The following SNX8 variants were observed in gnomAD, a reference collection of about 807,000 sequenced individuals.
SNX8 encodes sorting nexin 8.
In SNX8, 25 loss-of-function variants were observed where a neutral mutation model predicts 51.6. That is an observed-to-expected ratio of 0.48 (90% confidence interval 0.35 to 0.68). SNX8 has a LOEUF of 0.68. Ranked by LOEUF, SNX8 falls within the 30% of genes least tolerant of loss-of-function variation. The probability of loss-of-function intolerance (pLI) is 0.00; values close to 1 mark genes in which losing one functional copy is unlikely to be tolerated. For missense variants in SNX8, 695 were observed against 624.0 expected (o/e 1.11, Z -1.21); for synonymous variants, 324 against 277.0 (o/e 1.17, Z -1.68).
chr7:2,333,040 G>A (rs549785587), intron 1 of SNX8, among the ~76,000 whole-genome samples: 2 of 152,010 alleles, frequency 1.3e-5, no homozygotes, highest in African/African-American at 4.8e-5. Flanking sequence ...AGGCTAAGGT[G>A]GGAGGATTGC....
At chr7:2,345,177 A>G (rs1778997323) in intron 1 of SNX8, among the ~76,000 whole-genome samples, 1 of 152,140 alleles carries the variant, frequency 6.6e-6, no homozygotes, top group Non-Finnish European at 1.5e-5. Context: ...TATAACACTG[A>G]AAAAAACCAA....
chr7:2,345,246 T>C (rs536805336), intron 1 of SNX8, among the ~76,000 whole-genome samples: 5 of 152,314 alleles, frequency 3.3e-5, no homozygotes, highest in East Asian at 3.9e-4. Flanking sequence ...ATTCATGCAA[T>C]GTATAAACTA....
chr7:2,347,278 T>C (rs1456481422), intron 1 of SNX8, among the ~76,000 whole-genome samples: 1 of 151,848 alleles, frequency 6.6e-6, no homozygotes, highest in East Asian at 1.9e-4. Flanking sequence ...GGTCAGGAGT[T>C]TGAGACCAGC....
chr7:2,351,599 A>G (rs532940812), intron 1 of SNX8, among the ~76,000 whole-genome samples: 14 of 151,858 alleles, frequency 9.2e-5, no homozygotes, highest in Admixed American at 2.6e-4. Flanking sequence ...TCGGGAGGCC[A>G]AGGCGGGCGG....
At chr7:2,260,148 T>A (rs969080231) in intron 7 of SNX8, among the ~76,000 whole-genome samples, 6 of 151,928 alleles carry the variant, frequency 3.9e-5, no homozygotes, top group African/African-American at 1.5e-4. Flanking sequence ...CAGGCTGGAG[T>A]GCAGTGGCAT....
chr7:2,302,816 C>T (rs1427898015), intron 1 of SNX8, among the ~76,000 whole-genome samples: 2 of 150,284 alleles, frequency 1.3e-5, no homozygotes, highest in East Asian at 2.0e-4. Context: ...AGGTGAGGAG[C>T]GTCTCTGCCC....
At chr7:2,344,856 G>C (rs1050619523) in intron 1 of SNX8, among the ~76,000 whole-genome samples, 3 of 152,126 alleles carry the variant, frequency 2.0e-5, no homozygotes, top group African/African-American at 7.2e-5. Flanking sequence ...TCAGGAGTTC[G>C]AGACCAGCTT....
At position 2,346,423 on chromosome 7, in the gene SNX8, C is replaced by T. The variant is rs111472139; in HGVS notation, c.-66+7799G>A. The stretch of plus-strand genomic sequence containing the variant: ...ATTTCACCACTGCACTCCAGCCTGG[C>T]TGAAAGAGCAAGACTCTCAAAACGA... On this transcript the variant is annotated intron_variant, in intron 1 of 5. Transcript: ENST00000435336. Among the ~76,000 whole-genome samples, 1,257 of 146,084 alleles carry T rather than the reference C, an allele frequency of 8.6e-3. 13 individuals carry two copies. Among genetic ancestry groups the T allele is most frequent in the African/African-American group, 0.03 (1,206 of 39,632 alleles).
chr7:2,268,561 C>T (rs1473788921), intron 5 of SNX8, among the ~76,000 whole-genome samples: 4 of 146,264 alleles, frequency 2.7e-5, no homozygotes, highest in Admixed American at 6.7e-5. Flanking sequence ...GGGGGTCAGC[C>T]CCCCGCCTGG....
intron 1 of SNX8, among the ~76,000 whole-genome samples, chr7:2,338,850 T>C (rs930918609): frequency 4.6e-5 from 7 of 151,956 alleles, no homozygotes; most frequent in Non-Finnish European, 1.0e-4. Flanking sequence ...ATCACTTGAG[T>C]CTGGGAGTTT....
At position 2,275,118 on chromosome 7, in the gene SNX8, G is replaced by A; in HGVS notation, c.412C>T (p.Leu138=). The change falls in exon 3 of 11, where the codon CTG becomes TTG. Residue 138 remains leucine (L), a synonymous_variant. Coordinates refer to ENST00000222990, the MANE Select transcript of SNX8 (RefSeq NM_013321.4). ...GCAGCACGCCTGGCTTTACCTCCCA[G>A]CATTCTCTTGGGTGGCAGGGCAGGC... is the stretch of plus-strand genomic sequence containing the variant. The part of the protein sequence containing the change: ...MVPALPPKRM[L]GADREFIEAR... The A allele has an allele frequency of 6.2e-7, 1 of 1,609,380 alleles. No homozygotes were observed. The highest frequency in any genetic ancestry group is 8.5e-7 in the Non-Finnish European group (1 of 1,175,678).
chr7:2,334,189 G>A (rs1031283028), intron 1 of SNX8, among the ~76,000 whole-genome samples: 2 of 152,180 alleles, frequency 1.3e-5, no homozygotes, highest in African/African-American at 4.8e-5. Context: ...GGATCATGAG[G>A]TCAGCAGATC....
At chr7:2,260,040 G>A (rs553767662) in intron 7 of SNX8, among the ~76,000 whole-genome samples, 1 of 152,056 alleles carries the variant, frequency 6.6e-6, no homozygotes, top group East Asian at 1.9e-4. Flanking sequence ...GAGAGAGGAA[G>A]GAAGGAAGGT....
chr7:2,285,952 G>C (rs2115155436), intron 1 of SNX8, among the ~76,000 whole-genome samples: 1 of 152,038 alleles, frequency 6.6e-6, no homozygotes, highest in South Asian at 2.1e-4. Context: ...CAAAGTGCTG[G>C]GATTACAGGC....
At chr7:2,327,055 C>T (rs961941772) in intron 1 of SNX8, among the ~76,000 whole-genome samples, 5 of 152,068 alleles carry the variant, frequency 3.3e-5, no homozygotes, top group African/African-American at 7.2e-5. Context: ...ATCAAGTTGC[C>T]GGCAGGGCCA....
rs189988078 is a variant in SNX8, at chr7:2,320,061, C to T, written c.-66+34161G>A. Among the ~76,000 whole-genome samples the T allele has an allele frequency of 2.4e-3, 362 of 151,928 alleles. 3 individuals are homozygous for T. The highest frequency in any genetic ancestry group is 8.3e-3 in the African/African-American group (345 of 41,434). On this transcript the variant is annotated intron_variant, in intron 1 of 5. Coordinates refer to the SNX8 transcript ENST00000435336. ...CAATAATACCTTTATTGTATTTTTA[C>T]ATTTTACATGTGAGGCCAGGCACAT...
intron 1 of SNX8, among the ~76,000 whole-genome samples, chr7:2,281,445 AC>A (rs908728201): frequency 1.3e-5 from 2 of 151,838 alleles, no homozygotes; most frequent in African/African-American, 2.4e-5. Flanking sequence ...AAAAAAAAAA[AC>A]ATCATTTCAA....
chr7:2,255,388 A>C (rs1173317838), intron 10 of SNX8, among the ~76,000 whole-genome samples: 1 of 152,094 alleles, frequency 6.6e-6, no homozygotes, highest in African/African-American at 2.4e-5. Flanking sequence ...ACAGACACCC[A>C]CGCTTCGATC....
intron 1 of SNX8, among the ~76,000 whole-genome samples, chr7:2,326,133 A>G (rs1778618256): frequency 6.6e-6 from 1 of 152,012 alleles, no homozygotes; most frequent in African/African-American, 2.4e-5. Flanking sequence ...GCACTGTGGG[A>G]GGCTGAGTTG....
Sources: gnomAD v4.1 joint callset for allele counts (sites outside exome capture counted in the v4.1 genomes callset) on GRCh38, gnomAD v4.1.1 for gene constraint, MANE v1.5 for transcripts, NCBI Gene and HGNC (gene_info 2026-07-23, HGNC 2026-07-21) for gene names.